Variants in WWP1 observed in about 807,000 individuals in gnomAD.
WWP1 encodes the protein WW domain containing E3 ubiquitin protein ligase 1, also known as NEDD4-like E3 ubiquitin-protein ligase WWP1.
A neutral mutation model predicts 130.6 loss-of-function variants in WWP1; 49 were observed. The ratio of observed to expected loss-of-function variants is 0.38; its 90% CI spans 0.30 to 0.48. WWP1 has a LOEUF of 0.48. Among genes scored for constraint, WWP1 ranks in the 20% least tolerant of loss-of-function variants. The pLI is 0.99. For synonymous variants in WWP1, 332 were observed against 367.8 expected (o/e 0.90, Z 1.11); for missense variants, 809 against 1,100.6 (o/e 0.74, Z 3.75).
intron 14 of WWP1, among the ~76,000 whole-genome samples, chr8:86,432,125 C>T (rs547031088): frequency 6.6e-6 from 1 of 152,180 alleles, no homozygotes; most frequent in Admixed American, 6.5e-5. Context: ...GACAGTCAGT[C>T]TCTGTCTAGA....
At chr8:86,464,664 C>A (rs1030394261) in intron 24 of WWP1, among the ~76,000 whole-genome samples, 4 of 152,098 alleles carry the variant, frequency 2.6e-5, no homozygotes, top group Non-Finnish European at 5.9e-5. Flanking sequence ...CACCAGTGCA[C>A]GCCACTATGC....
intron 10 of WWP1, among the ~76,000 whole-genome samples, chr8:86,426,232 C>T (rs1033454307): frequency 5.3e-5 from 8 of 152,168 alleles, no homozygotes; most frequent in African/African-American, 1.7e-4. Flanking sequence ...TTCATTTAGT[C>T]CATTCATTGA....
At chr8:86,362,003 C>CACATATATATATACATATATAT (rs1563465199) in intron 1 of WWP1, among the ~76,000 whole-genome samples, 1 of 71,406 alleles carries the variant, frequency 1.4e-5, no homozygotes, top group Admixed American at 1.3e-4. Context: ...CATATATATA[C>CACATATATATATACATATATAT]ACACATATAT....
chr8:86,402,272 CTACACTTCCCTTTTTGTG>C lies in WWP1; in HGVS notation c.724+72_724+89del, dbSNP rs1191924344. On this transcript the variant is annotated intron_variant, in intron 8 of 24. Coordinates refer to ENST00000517970, the MANE Select transcript of WWP1 (RefSeq NM_007013.4). ...ATGAAGTTTATGTATCCATCCATGC[CTACACTTCCCTTTTTGTG>C]TAGTCTTTTTTTTGAGACGGAGTCT... 5 of 1,500,382 alleles carry C rather than the reference CTACACTTCCCTTTTTGTG, an allele frequency of 3.3e-6. No homozygotes were observed. The East Asian group carries it at 1.2e-4, about 36-fold the overall frequency. The allele number at this position is 1,500,382 out of a possible 1,614,324, so 92.9% of individuals were successfully genotyped here.
intron 1 of WWP1, among the ~76,000 whole-genome samples, chr8:86,349,476 T>G (rs1464032056): frequency 1.3e-5 from 2 of 152,246 alleles, no homozygotes; most frequent in Non-Finnish European, 2.9e-5. Flanking sequence ...ACCATAAATT[T>G]TATTTAAGTA....
intron 5 of WWP1, among the ~76,000 whole-genome samples, chr8:86,389,901 G>A (rs1288645099): frequency 2.6e-5 from 4 of 151,934 alleles, no homozygotes; most frequent in South Asian, 4.2e-4. Flanking sequence ...TCCTGGACGG[G>A]GCGGCTGCCG....
intron 9 of WWP1, among the ~76,000 whole-genome samples, chr8:86,420,940 G>A (rs1218666919): frequency 1.3e-5 from 2 of 152,292 alleles, no homozygotes; most frequent in African/African-American, 2.4e-5. Context: ...CTGCTTATGG[G>A]AATTATTACC....
At chr8:86,466,550 T>A (rs1363916383) in intron 24 of WWP1, among the ~76,000 whole-genome samples, 7 of 152,112 alleles carry the variant, frequency 4.6e-5, no homozygotes, top group Non-Finnish European at 7.4e-5. Flanking sequence ...TTTTTTTTTT[T>A]TTAAATTTGT....
Position 86,375,060 on chromosome 8 carries a change from T to TA in WWP1, c.70+941dup, listed in dbSNP as rs143055808. On this transcript the variant is annotated intron_variant, in intron 3 of 24. Transcript: ENST00000517970. ...ATGACATTATCATAATATCTGTTTT[T>TA]ATCCTACTACACCAGTTCAAAATAA... Among the ~76,000 whole-genome samples the TA allele has an allele frequency of 6.2e-3, 948 of 152,244 alleles. 5 individuals carry two copies. Among genetic ancestry groups the TA allele is most frequent in the Non-Finnish European group, 8.8e-3 (597 of 68,008 alleles).
intron 9 of WWP1, among the ~76,000 whole-genome samples, chr8:86,416,404 T>C (rs1808887655): frequency 6.6e-6 from 1 of 151,956 alleles, no homozygotes; most frequent in Non-Finnish European, 1.5e-5. Flanking sequence ...GAGGGAGAGA[T>C]TGGCCAATAC....
intron 8 of WWP1, among the ~76,000 whole-genome samples, chr8:86,404,557 G>A (rs1196216010): frequency 2.6e-5 from 4 of 152,146 alleles, no homozygotes; most frequent in Non-Finnish European, 5.9e-5. Context: ...AAATAAAATG[G>A]ATGTGAGGAA....
intron 5 of WWP1, among the ~76,000 whole-genome samples, chr8:86,395,674 A>T (rs933538782): frequency 6.6e-6 from 1 of 152,240 alleles, no homozygotes; most frequent in African/African-American, 2.4e-5. Context: ...TGAAATGCGT[A>T]ATACCAAAGA....
chr8:86,453,956 G>T (rs1395851034), intron 21 of WWP1, among the ~76,000 whole-genome samples: 1 of 152,034 alleles, frequency 6.6e-6, no homozygotes, highest in East Asian at 1.9e-4. Flanking sequence ...AAGAAACTTG[G>T]TTCTTTCATG....
chr8:86,430,826 T>G, intron 12 of WWP1, 75 bp downstream of exon 12: 2 of 517,130 alleles, frequency 3.9e-6, no homozygotes, highest in Non-Finnish European at 2.7e-6. Flanking sequence ...TATATATATA[T>G]ATATATGTTC....
intron 5 of WWP1, among the ~76,000 whole-genome samples, chr8:86,388,957 T>C (rs1428912961): frequency 2.6e-5 from 4 of 152,184 alleles, no homozygotes; most frequent in Non-Finnish European, 4.4e-5. Flanking sequence ...TTTGTTGTTT[T>C]GATATGTTTG....
At chr8:86,453,547 A>G (rs1458612514) in intron 21 of WWP1, among the ~76,000 whole-genome samples, 3 of 152,166 alleles carry the variant, frequency 2.0e-5, no homozygotes, top group Non-Finnish European at 4.4e-5. Context: ...TCTTTTGGAT[A>G]TGTACCAGGA....
chr8:86,360,054 CAAAAAA>C, intron 1 of WWP1, among the ~76,000 whole-genome samples: 1 of 106,204 alleles, frequency 9.4e-6, no homozygotes, highest in Non-Finnish European at 2.3e-5. Context: ...CTCTCAAAAA[CAAAAAA>C]CAAAAAACAA....
At chr8:86,425,458 G>A in intron 10 of WWP1, 140 bp downstream of exon 10, 6 of 566,524 alleles carry the variant, frequency 1.1e-5, no homozygotes, top group Non-Finnish European at 1.4e-5. Flanking sequence ...AATAATGAAT[G>A]TTCAGTCAAT....
chr8:86,359,727 G>T (rs1437249410), intron 1 of WWP1, among the ~76,000 whole-genome samples: 1 of 151,892 alleles, frequency 6.6e-6, no homozygotes, highest in African/African-American at 2.4e-5. Context: ...GCTTCTGCTT[G>T]CCTGTAAATA....
Sources: allele counts gnomAD v4.1 joint callset (sites outside exome capture counted in the v4.1 genomes callset), GRCh38; gene constraint gnomAD v4.1.1; transcripts MANE v1.5; gene names NCBI Gene and HGNC (gene_info 2026-07-23, HGNC 2026-07-21).